KMT2C: variants seen among roughly 807,000 people sequenced by gnomAD.
The protein encoded by KMT2C is histone-lysine N-methyltransferase 2C.
A neutral mutation model predicts 507.9 loss-of-function variants in KMT2C; 88 were observed. The ratio of observed to expected loss-of-function variants is 0.17; its 90% CI spans 0.15 to 0.21. The LOEUF is 0.21. KMT2C is among the 10% of genes least tolerant of loss of function. The pLI is 1.00. For missense variants in KMT2C, 4,954 were observed against 5,957.8 expected (o/e 0.83, Z 5.55); for synonymous variants, 2,049 against 2,080.8 (o/e 0.98, Z 0.42).
chr7:152,202,116 G>A (rs1024983711), intron 26 of KMT2C, among the ~76,000 whole-genome samples: 2 of 152,204 alleles, frequency 1.3e-5, no homozygotes, highest in African/African-American at 4.8e-5. Context: ...GGTTATCTGT[G>A]TAAGCCATAG....
intron 8 of KMT2C, 49 bp downstream of exon 8, chr7:152,264,989 G>C (rs2129173296): frequency 6.2e-7 from 1 of 1,607,478 alleles, no homozygotes; most frequent in Non-Finnish European, 8.5e-7. Context: ...CTAGTAATAG[G>C]GTCCCTCTTA....
intron 1 of KMT2C, among the ~76,000 whole-genome samples, chr7:152,417,298 T>C (rs2097749112): frequency 6.6e-6 from 1 of 152,102 alleles, no homozygotes; most frequent in Non-Finnish European, 1.5e-5. Flanking sequence ...TTTGTATTTT[T>C]ACTAGAGATG....
chr7:152,249,523 A>G (rs1310024717), intron 13 of KMT2C, among the ~76,000 whole-genome samples: 3 of 151,424 alleles, frequency 2.0e-5, no homozygotes, highest in Non-Finnish European at 4.4e-5. Flanking sequence ...GGGTCTCACT[A>G]TATCGCCCAG....
chr7:152,342,722 GT>G (rs1247957843), intron 2 of KMT2C, among the ~76,000 whole-genome samples: 1 of 152,174 alleles, frequency 6.6e-6, no homozygotes, highest in African/African-American at 2.4e-5. Flanking sequence ...ACGGTTTTGT[GT>G]TTTACCTCTA....
At chr7:152,303,042 T>A (rs2096584957) in intron 6 of KMT2C, among the ~76,000 whole-genome samples, 1 of 152,148 alleles carries the variant, frequency 6.6e-6, no homozygotes, top group Admixed American at 6.5e-5. Context: ...ATTTCCAAGA[T>A]GTTGGTAGCA....
At chr7:152,367,555 T>C (rs1389884215) in intron 1 of KMT2C, 8 of 1,241,692 alleles carry the variant, frequency 6.4e-6, no homozygotes, top group African/African-American at 5.9e-5. Context: ...ATTAATCAAC[T>C]CATTATTCCT....
chr7:152,339,118 A>G (rs959701204), intron 2 of KMT2C, among the ~76,000 whole-genome samples: 3 of 152,246 alleles, frequency 2.0e-5, no homozygotes, highest in African/African-American at 7.2e-5. Flanking sequence ...AATATTTTAG[A>G]GGTCAATTTT....
At chr7:152,210,160 C>T (rs1329832623) in intron 23 of KMT2C, among the ~76,000 whole-genome samples, 1 of 152,100 alleles carries the variant, frequency 6.6e-6, no homozygotes, top group Non-Finnish European at 1.5e-5. Context: ...AGCTAGCAGC[C>T]AGATCTCTAG....
chr7:152,189,561 T>C (rs2093728983), intron 31 of KMT2C, among the ~76,000 whole-genome samples: 1 of 152,242 alleles, frequency 6.6e-6, no homozygotes, highest in South Asian at 2.1e-4. Flanking sequence ...TAATGATCTT[T>C]CACTTAAACC....
At chr7:152,158,258 G>T (rs924516165) in intron 44 of KMT2C, among the ~76,000 whole-genome samples, 1 of 152,258 alleles carries the variant, frequency 6.6e-6, no homozygotes, top group Non-Finnish European at 1.5e-5. Flanking sequence ...CCACAAAGGT[G>T]TAGAACAGAA....
At chr7:152,366,377 G>A (rs542657705) in intron 1 of KMT2C, among the ~76,000 whole-genome samples, 1 of 152,302 alleles carries the variant, frequency 6.6e-6, no homozygotes, top group East Asian at 1.9e-4. Context: ...CACATTGGCA[G>A]TATGTCTATG....
intron 1 of KMT2C, among the ~76,000 whole-genome samples, chr7:152,418,353 G>A (rs1427237516): frequency 6.6e-6 from 1 of 152,178 alleles, no homozygotes; most frequent in African/African-American, 2.4e-5. Context: ...ATTACACATA[G>A]TAACAAAAGG....
intron 2 of KMT2C, among the ~76,000 whole-genome samples, chr7:152,351,767 T>C (rs571338294): frequency 4.8e-4 from 73 of 152,362 alleles, no homozygotes; most frequent in African/African-American, 1.7e-3. Flanking sequence ...CACTTATCAC[T>C]TCCCCAATCA....
At chr7:152,416,723 C>CA (rs35079842) in intron 1 of KMT2C, among the ~76,000 whole-genome samples, 629 of 119,720 alleles carry the variant, frequency 5.3e-3, no homozygotes, top group Middle Eastern at 0.023. Flanking sequence ...GACTCTGTAT[C>CA]AAAAAAAAAA....
chr7:152,172,968 C>T (rs548307272), intron 39 of KMT2C, among the ~76,000 whole-genome samples: 2 of 152,154 alleles, frequency 1.3e-5, no homozygotes, highest in East Asian at 1.9e-4. Context: ...TCATTTCCTT[C>T]GTAATGCTAT....
At chr7:152,212,975 G>T (rs1335177231) in intron 23 of KMT2C, among the ~76,000 whole-genome samples, 1 of 152,222 alleles carries the variant, frequency 6.6e-6, no homozygotes. Flanking sequence ...AACCCAGGAG[G>T]CGGCAGAGGT....
At chr7:152,249,674 A>C (rs1405643534) in intron 13 of KMT2C, among the ~76,000 whole-genome samples, 1 of 75,232 alleles carries the variant, frequency 1.3e-5, no homozygotes. Context: ...TCCCCCCTCC[A>C]AAAAAAAAAA....
intron 1 of KMT2C, among the ~76,000 whole-genome samples, chr7:152,408,676 T>C (rs78273892): frequency 2.0e-5 from 3 of 151,444 alleles, no homozygotes; most frequent in African/African-American, 7.3e-5. Flanking sequence ...TGCCTGATGA[T>C]CTAAGGTGGA....
At chr7:152,197,690 C>G (rs1399372879) in intron 27 of KMT2C, among the ~76,000 whole-genome samples, 1 of 151,640 alleles carries the variant, frequency 6.6e-6, no homozygotes, top group Non-Finnish European at 1.5e-5. Flanking sequence ...CAAGTTTGCC[C>G]CTACCTAAAG....
Sources: gnomAD v4.1 joint callset for allele counts (sites outside exome capture counted in the v4.1 genomes callset) on GRCh38, gnomAD v4.1.1 for gene constraint, MANE v1.5 for transcripts, NCBI Gene and HGNC (gene_info 2026-07-23, HGNC 2026-07-21) for gene names.